GPD2: variants seen among roughly 807,000 people sequenced by gnomAD.
GPD2 encodes glycerol-3-phosphate dehydrogenase 2, also known as glycerol-3-phosphate dehydrogenase, mitochondrial.
A neutral mutation model predicts 82.4 loss-of-function variants in GPD2; 54 were observed. That is an observed-to-expected ratio of 0.66 (90% confidence interval 0.53 to 0.82). GPD2 has a LOEUF of 0.82. Ranked by LOEUF, GPD2 falls within the 40% of genes least tolerant of loss-of-function variation. The pLI, the probability that GPD2 is intolerant of heterozygous loss-of-function variation, is 0.00. For missense variants in GPD2, 748 were observed against 896.2 expected (o/e 0.83, Z 2.11); for synonymous variants, 288 against 306.1 (o/e 0.94, Z 0.62).
intron 1 of GPD2, among the ~76,000 whole-genome samples, chr2:156,458,391 T>C (rs1682860001): frequency 6.6e-6 from 1 of 152,228 alleles, no homozygotes; most frequent in African/African-American, 2.4e-5. Flanking sequence ...ATTTCCAGTG[T>C]TGCATTAAAA....
At chr2:156,540,699 A>G (rs1392294651) in intron 6 of GPD2, among the ~76,000 whole-genome samples, 1 of 152,230 alleles carries the variant, frequency 6.6e-6, no homozygotes, top group African/African-American at 2.4e-5. Flanking sequence ...TTTTGAAACA[A>G]TCCATTTTCC....
intron 1 of GPD2, among the ~76,000 whole-genome samples, chr2:156,439,522 A>AAAAAAC (rs1682070748): frequency 1.1e-5 from 1 of 92,770 alleles, no homozygotes; most frequent in Admixed American, 1.2e-4. Context: ...AGAAAAAAAA[A>AAAAAAC]AAAAAAAAAA....
intron 1 of GPD2, among the ~76,000 whole-genome samples, chr2:156,460,763 G>C (rs1463566692): frequency 6.6e-6 from 1 of 152,204 alleles, no homozygotes; most frequent in Non-Finnish European, 1.5e-5. Flanking sequence ...GTTCATTGTT[G>C]TTAGCCTGTT....
At chr2:156,501,346 G>GTA (rs1378175569) in intron 3 of GPD2, among the ~76,000 whole-genome samples, 3 of 152,100 alleles carry the variant, frequency 2.0e-5, no homozygotes, top group Admixed American at 1.3e-4. Flanking sequence ...TCCTAAGGCA[G>GTA]TATAGCGCAG....
At chr2:156,511,139 G>A (rs923412956) in intron 4 of GPD2, among the ~76,000 whole-genome samples, 2 of 152,214 alleles carry the variant, frequency 1.3e-5, no homozygotes, top group South Asian at 2.1e-4. Flanking sequence ...TCACAAGCAT[G>A]TTGAAGTAGC....
chr2:156,496,067 A>C lies in GPD2; in HGVS notation c.126A>C (p.Ala42=). 1 of 1,613,336 alleles carries C rather than the reference A, an allele frequency of 6.2e-7. No homozygotes were observed. Among genetic ancestry groups the C allele is most frequent in the Non-Finnish European group, 8.5e-7 (1 of 1,179,424 alleles). The change falls in exon 3 of 17, where the codon GCA becomes GCC. Residue 42 remains alanine (A), a synonymous_variant. Transcript: ENST00000438166. ...AGATGAACCTGGCCTATGTTAAAGC[A>C]GCAGACTGCATTTCAGAACCAGTTA... is the stretch of plus-strand genomic sequence containing the variant. ...RKQMNLAYVK[A]ADCISEPVNR... is the part of the protein sequence containing the mutation.
intron 2 of GPD2, among the ~76,000 whole-genome samples, chr2:156,491,902 C>T (rs567254965): frequency 1.3e-5 from 2 of 151,676 alleles, no homozygotes; most frequent in Non-Finnish European, 2.9e-5. Context: ...CACCTGTAAT[C>T]CCAGCTACTC....
At position 156,568,918 on chromosome 2, in the gene GPD2, A is replaced by G. The variant is rs749751923; in HGVS notation, c.1259A>G (p.His420Arg). 3 of 1,611,234 alleles carry G rather than the reference A, an allele frequency of 1.9e-6. No individual in the cohort carries two copies. Among genetic ancestry groups the G allele is most frequent in the Non-Finnish European group, 2.5e-6 (3 of 1,177,866 alleles). The change falls in exon 10 of 17, where the codon CAT becomes CGT. Residue 420 changes from histidine (H) to arginine (R), a missense_variant. By Grantham distance (29) the His-to-Arg change is conservative. Transcript: ENST00000438166. ...SADTQSISRN[H>R]VVDISESGLI... is the part of the protein sequence containing the mutation. ...GATACTCAGTCTATCTCCCGAAATC[A>G]TGTTGTTGATATCAGTGAGAGTGGC...
chr2:156,547,536 C>G (rs1259487056), intron 6 of GPD2, among the ~76,000 whole-genome samples: 2 of 152,146 alleles, frequency 1.3e-5, no homozygotes, highest in Non-Finnish European at 2.9e-5. Flanking sequence ...GTGTAAGTGA[C>G]ATCTCAGATT....
intron 3 of GPD2, among the ~76,000 whole-genome samples, chr2:156,509,089 A>G (rs1241347644): frequency 6.6e-6 from 1 of 152,176 alleles, no homozygotes; most frequent in Non-Finnish European, 1.5e-5. Flanking sequence ...TTCGCTAGGC[A>G]TTGCTAGGGT....
chr2:156,400,970 AAAAT>A, the GPD2 span, among the ~76,000 whole-genome samples: 29 of 152,258 alleles, frequency 1.9e-4, no homozygotes, highest in Non-Finnish European at 7.3e-5. Context: ...AGGGCTGAAA[AAAAT>A]CAGCGAAGCT....
chr2:156,404,876 T>G, the GPD2 span, among the ~76,000 whole-genome samples: 1 of 151,316 alleles, frequency 6.6e-6, no homozygotes, highest in Admixed American at 6.6e-5. Flanking sequence ...AAAGAAACAT[T>G]TACATTTAGA....
At chr2:156,579,223 G>GAGAAAAACATCTAATA in intron 15 of GPD2, 59 bp downstream of exon 15, 1 of 977,102 alleles carries the variant, frequency 1.0e-6, no homozygotes, top group Non-Finnish European at 1.7e-6. Flanking sequence ...AATATTAGAT[G>GAGAAAAACATCTAATA]TTTTTCTCAT....
the GPD2 span, among the ~76,000 whole-genome samples, chr2:156,416,173 C>CATAT: frequency 1.2e-4 from 18 of 149,860 alleles, no homozygotes; most frequent in African/African-American, 4.4e-4. Context: ...GTTGTATATA[C>CATAT]ATATATATAT....
In GPD2 at chr2:156,536,571, C is replaced by T. The variant is rs563669060; in HGVS notation, c.662-13037C>T. Among the ~76,000 whole-genome samples, 3 of 152,328 alleles carry T rather than the reference C, an allele frequency of 2.0e-5. No homozygotes were observed. In the East Asian group the frequency reaches 5.8e-4, roughly 29 times the overall value. ...CTATTTACAGCTATACGTGACAGCA[C>T]TTAACCTTGACTATGCCTGCTAAAA... On this transcript the variant is annotated intron_variant, in intron 6 of 16. Coordinates refer to ENST00000438166, the MANE Select transcript of GPD2 (RefSeq NM_000408.5).
rs1682226859 is a variant in GPD2 at position 156,442,917 on chromosome 2, C to T, written c.-9+6404C>T. On this transcript the variant is annotated intron_variant, in intron 1 of 16. Transcript: ENST00000438166. ...CTGCTCCATGCTTCCATGGATTACT[C>T]TGCCCTATTTGATCACGTTCTAAAT... 2.6e-5 allele frequency among the ~76,000 whole-genome samples: 4 copies of T among 152,216 alleles called. No individual in the cohort carries two copies. In the South Asian group the frequency reaches 8.3e-4, roughly 32 times the overall value.
the GPD2 span, among the ~76,000 whole-genome samples, chr2:156,425,983 C>T: frequency 8.8e-5 from 13 of 148,118 alleles, 1 homozygote; most frequent in Non-Finnish European, 1.8e-4. Context: ...AGTGCAGTGG[C>T]GCCATCTCGG....
chr2:156,557,920 A>G (rs1373152426), intron 9 of GPD2, among the ~76,000 whole-genome samples: 1 of 152,228 alleles, frequency 6.6e-6, no homozygotes, highest in Admixed American at 6.5e-5. Context: ...AGGAATGTCT[A>G]ATTTACAGAT....
chr2:156,401,204 T>C, the GPD2 span, among the ~76,000 whole-genome samples: 7 of 152,310 alleles, frequency 4.6e-5, no homozygotes, highest in Admixed American at 2.0e-4. Flanking sequence ...ATTCTACCAC[T>C]GAACCACCAA....
Sources: allele counts gnomAD v4.1 joint callset (sites outside exome capture counted in the v4.1 genomes callset), GRCh38; gene constraint gnomAD v4.1.1; transcripts MANE v1.5; gene names NCBI Gene and HGNC (gene_info 2026-07-23, HGNC 2026-07-21).